Variants in KAZN observed in about 807,000 individuals in gnomAD.
The protein encoded by KAZN is kazrin.
Under a neutral mutation model 87.4 loss-of-function variants are expected in KAZN, and 40 were observed. That is an observed-to-expected ratio of 0.46 (90% CI 0.36 to 0.60). The LOEUF (loss-of-function observed/expected upper bound fraction) is 0.60, where lower values mean the gene tolerates loss of function less well. Among genes scored for constraint, KAZN ranks in the 20% least tolerant of loss-of-function variants. KAZN has a pLI of 0.00. For missense variants in KAZN, 898 were observed against 1,073.9 expected (o/e 0.84, Z 2.29); for synonymous variants, 466 against 458.3 (o/e 1.02, Z -0.22).
intron 2 of KAZN, among the ~76,000 whole-genome samples, chr1:14,567,682 C>T (rs1231295217): frequency 1.3e-5 from 2 of 152,180 alleles, no homozygotes; most frequent in Non-Finnish European, 2.9e-5. Context: ...TTATCAAATG[C>T]TCATATTCAA....
chr1:14,657,889 A>G (rs1350496733), intron 1 of KAZN, among the ~76,000 whole-genome samples: 2 of 151,754 alleles, frequency 1.3e-5, no homozygotes, highest in Non-Finnish European at 2.9e-5. Flanking sequence ...TTTTTGTTTT[A>G]TTTTGTTTTG....
rs149980453 is a variant in KAZN, at chr1:14,138,082, A to AGTGT, written c.92-42330_92-42327dup. Among the ~76,000 whole-genome samples the AGTGT allele has an allele frequency of 6.9e-3, 1,035 of 150,062 alleles. 8 individuals are homozygous for AGTGT. The highest frequency in any genetic ancestry group is 0.022 in the African/African-American group (891 of 40,874). Reference sequence around the variant, plus strand: ...AATGTTAGCATTAAATAAATGTTACAGTGTGTGTGTGTGTGTGTGTGTGTG... The same window carrying AGTGT: ...AATGTTAGCATTAAATAAATGTTACAGTGTGTGTGTGTGTGTGTGTGTGTGTGTG... On this transcript the variant is annotated intron_variant, in intron 1 of 16. Transcript: ENST00000636203.
Position 15,000,295 on chromosome 1 carries a change from G to A in KAZN, c.419-34454G>A, listed in dbSNP as rs377436717. ...AAACAAATTCTCCCCTATAGCCTCC[G>A]GTGGGAGCCTGGCCCTGCCAACACC... On this transcript the variant is annotated intron_variant, in intron 2 of 14. Transcript: ENST00000376030. Among the ~76,000 whole-genome samples the A allele has an allele frequency of 9.4e-4, 143 of 151,908 alleles. No homozygotes were observed. In the South Asian group the frequency reaches 0.016, roughly 17 times the overall value.
intron 1 of KAZN, among the ~76,000 whole-genome samples, chr1:14,830,086 A>T (rs115341309): frequency 6.6e-6 from 1 of 152,358 alleles, no homozygotes; most frequent in Non-Finnish European, 1.5e-5. Flanking sequence ...GGGAGTAGTT[A>T]TAGCTACATA....
At chr1:14,172,494 C>G (rs916352852) in intron 1 of KAZN, among the ~76,000 whole-genome samples, 1 of 152,202 alleles carries the variant, frequency 6.6e-6, no homozygotes, top group Non-Finnish European at 1.5e-5. Flanking sequence ...AAAAAATATA[C>G]TATTGGTGAC....
chr1:14,468,151 T>C (rs930685020), intron 2 of KAZN, among the ~76,000 whole-genome samples: 2 of 152,102 alleles, frequency 1.3e-5, no homozygotes, highest in Non-Finnish European at 2.9e-5. Flanking sequence ...TGGAGGGACA[T>C]GGAAAAAAAG....
At chr1:14,694,175 C>T (rs1051702629) in intron 1 of KAZN, among the ~76,000 whole-genome samples, 2 of 152,200 alleles carry the variant, frequency 1.3e-5, no homozygotes, top group African/African-American at 2.4e-5. Flanking sequence ...GCCTTTCGGT[C>T]GACAGTCGGC....
chr1:14,345,810 G>T (rs1042836005), intron 2 of KAZN, among the ~76,000 whole-genome samples: 5 of 152,176 alleles, frequency 3.3e-5, no homozygotes, highest in African/African-American at 1.2e-4. Context: ...GAACACCACT[G>T]TGCTGGATAA....
intron 2 of KAZN, among the ~76,000 whole-genome samples, chr1:14,537,685 A>T (rs936633063): frequency 6.6e-6 from 1 of 152,212 alleles, no homozygotes; most frequent in Non-Finnish European, 1.5e-5. Context: ...ATCCTATAAG[A>T]TGCTGAAAAT....
At chr1:15,072,443 G>T (rs999610317) in intron 8 of KAZN, among the ~76,000 whole-genome samples, 2 of 152,280 alleles carry the variant, frequency 1.3e-5, no homozygotes, top group African/African-American at 2.4e-5. Context: ...GGGAGGGTTT[G>T]AGTTATTTGC....
chr1:14,270,629 T>C (rs1651842126), intron 2 of KAZN, among the ~76,000 whole-genome samples: 1 of 152,144 alleles, frequency 6.6e-6, no homozygotes, highest in Admixed American at 6.5e-5. Flanking sequence ...AAGCATAGTT[T>C]ATGTTAATTA....
intron 1 of KAZN, among the ~76,000 whole-genome samples, chr1:14,952,087 A>G (rs917008706): frequency 6.6e-6 from 1 of 152,162 alleles, no homozygotes; most frequent in Non-Finnish European, 1.5e-5. Flanking sequence ...AGCACATGGC[A>G]TCCACCTGCT....
chr1:14,005,433 C>T (rs1402930859), intron 1 of KAZN, among the ~76,000 whole-genome samples: 1 of 152,160 alleles, frequency 6.6e-6, no homozygotes, highest in African/African-American at 2.4e-5. Flanking sequence ...GTGTCTCCCT[C>T]TCCAGAGAAG....
Position 14,809,615 on chromosome 1 carries a change from C to T in KAZN, c.227-151069C>T, listed in dbSNP as rs189220723. ...CGAATACAATTGTCTCCAGAGCTGG[C>T]TAGAGCCAGAATCCTATTTGGTTTG... On this transcript the variant is annotated intron_variant, in intron 1 of 14. Transcript: ENST00000376030. Among the ~76,000 whole-genome samples the T allele has an allele frequency of 3.9e-5, 6 of 152,328 alleles. No individual in the cohort carries two copies. The East Asian group carries it at 1.2e-3, about 29-fold the overall frequency.
intron 2 of KAZN, among the ~76,000 whole-genome samples, chr1:14,213,297 G>T (rs577233303): frequency 6.6e-6 from 1 of 152,024 alleles, no homozygotes; most frequent in Non-Finnish European, 1.5e-5. Context: ...TCCTTCTCTC[G>T]TGCTACTAAG....
chr1:14,352,252 A>AT lies in KAZN; in HGVS notation c.249+171670dup, dbSNP rs993675825. Among the ~76,000 whole-genome samples, 296 of 150,250 alleles carry AT rather than the reference A, an allele frequency of 2.0e-3. 3 individuals carry two copies. Among genetic ancestry groups the AT allele is most frequent in the Middle Eastern group, 6.9e-3 (2 of 290 alleles). On this transcript the variant is annotated intron_variant, in intron 2 of 16. Coordinates refer to the KAZN transcript ENST00000636203. ...TTAGACACAGAATCGGATCAGCAGC[A>AT]TTTTTTTTTTCACTGTGGGAAGAGA...
At chr1:14,917,825 G>A (rs1358198786) in intron 1 of KAZN, among the ~76,000 whole-genome samples, 1 of 151,684 alleles carries the variant, frequency 6.6e-6, no homozygotes, top group Non-Finnish European at 1.5e-5. Flanking sequence ...GATTGGGGGT[G>A]AGATCTAAAT....
chr1:14,013,684 C>T (rs575367935), intron 1 of KAZN, among the ~76,000 whole-genome samples: 6 of 152,162 alleles, frequency 3.9e-5, no homozygotes, highest in African/African-American at 9.7e-5. Context: ...TTCCTGACAC[C>T]GTAATCAAAC....
At chr1:14,924,305 C>G in intron 1 of KAZN, 1 of 985,216 alleles carries the variant, frequency 1.0e-6, no homozygotes, top group Non-Finnish European at 1.2e-6. Flanking sequence ...TCTGTGAGCC[C>G]GGCGCGCGCC....
Sources: allele counts gnomAD v4.1 joint callset (sites outside exome capture counted in the v4.1 genomes callset), GRCh38; gene constraint gnomAD v4.1.1; transcripts MANE v1.5; gene names NCBI Gene and HGNC (gene_info 2026-07-23, HGNC 2026-07-21).